Variants in DNAI2 observed in about 807,000 individuals in gnomAD.
DNAI2 encodes dynein, axonemal, intermediate polypeptide 2.
Under a neutral mutation model 74.7 loss-of-function variants are expected in DNAI2, and 63 were observed. The observed-to-expected ratio is 0.84, with a 90% CI of 0.69 to 1.04. The LOEUF is 1.04. Among genes scored for constraint, DNAI2 ranks in the 50% least tolerant of loss-of-function variants. The pLI is 0.00. For missense variants in DNAI2, 688 were observed against 803.2 expected, an observed-to-expected ratio of 0.86 and a Z score of 1.73; for synonymous variants, 289 against 314.9, an observed-to-expected ratio of 0.92 and a Z score of 0.87.
chr17:74,301,213 C>A lies in DNAI2; in HGVS notation c.987+45C>A, dbSNP rs773014105. 3.5e-4 allele frequency: 557 copies of A among 1,610,488 alleles called. 1 individual carries two copies. The highest frequency in any genetic ancestry group is 4.6e-4 in the Non-Finnish European group (536 of 1,177,892). On this transcript the variant is annotated intron_variant, in intron 8 of 13. Coordinates refer to ENST00000311014, the MANE Select transcript of DNAI2 (RefSeq NM_023036.6). ...CCTTCCCCGACTTGCATTGACAGGG[C>A]AGCCAGGGCTAAAGACAGGCCATTG...
At chr17:74,294,714 C>G (rs2052333367) in intron 6 of DNAI2, among the ~76,000 whole-genome samples, 1 of 152,128 alleles carries the variant, frequency 6.6e-6, no homozygotes. Flanking sequence ...TATGATGTTT[C>G]TAGGTATGGA....
chr17:74,298,437 T>C (rs1351653106), intron 6 of DNAI2, among the ~76,000 whole-genome samples: 4 of 152,076 alleles, frequency 2.6e-5, no homozygotes, highest in African/African-American at 9.7e-5. Context: ...CCTGAGAAGC[T>C]GGGATTACAG....
intron 1 of DNAI2, among the ~76,000 whole-genome samples, chr17:74,277,646 G>A (rs551786490): frequency 3.9e-5 from 6 of 152,328 alleles, no homozygotes; most frequent in East Asian, 1.9e-4. Flanking sequence ...AGGGGCCAGC[G>A]GCCAGGACCC....
chr17:74,286,592 C>T (rs1014181827), intron 3 of DNAI2, among the ~76,000 whole-genome samples: 1 of 151,692 alleles, frequency 6.6e-6, no homozygotes, highest in Non-Finnish European at 1.5e-5. Flanking sequence ...AGCTAATTTT[C>T]TTTTGTATTT....
At chr17:74,288,457 G>A (rs1345990843) in intron 4 of DNAI2, among the ~76,000 whole-genome samples, 2 of 152,226 alleles carry the variant, frequency 1.3e-5, no homozygotes, top group Admixed American at 6.5e-5. Context: ...ATATGTGTAT[G>A]TGTGTATATA....
At chr17:74,288,042 AG>A (rs1477119339) in intron 4 of DNAI2, among the ~76,000 whole-genome samples, 1 of 152,180 alleles carries the variant, frequency 6.6e-6, no homozygotes. Flanking sequence ...ACCAAAACAA[AG>A]CCGGTGCAGA....
chr17:74,280,678 CA>C (rs930084627), intron 1 of DNAI2, among the ~76,000 whole-genome samples: 3 of 152,162 alleles, frequency 2.0e-5, no homozygotes, highest in Non-Finnish European at 4.4e-5. Context: ...AGAAGAGGCC[CA>C]GGGGTCTCAA....
intron 5 of DNAI2, among the ~76,000 whole-genome samples, chr17:74,290,719 T>A (rs1445636471): frequency 1.3e-5 from 2 of 152,164 alleles, no homozygotes; most frequent in Non-Finnish European, 2.9e-5. Flanking sequence ...AACTTTAGTA[T>A]CAAAACCTCG....
chr17:74,278,463 T>G (rs905229062), intron 1 of DNAI2, among the ~76,000 whole-genome samples: 1 of 152,074 alleles, frequency 6.6e-6, no homozygotes, highest in Non-Finnish European at 1.5e-5. Context: ...TTGTGATCAC[T>G]CTTTGGGAGT....
At chr17:74,304,186 C>CTTTTTTTTTTTTTTTTTTTTTT (rs56696514) in intron 8 of DNAI2, among the ~76,000 whole-genome samples, 20 of 67,654 alleles carry the variant, frequency 3.0e-4, no homozygotes, top group South Asian at 7.8e-4. Context: ...TTTCTTTTTT[C>CTTTTTTTTTTTTTTTTTTTTTT]TTTTTTTTTT....
intron 6 of DNAI2, among the ~76,000 whole-genome samples, chr17:74,292,516 G>A (rs1473411135): frequency 1.4e-5 from 2 of 147,072 alleles, no homozygotes; most frequent in African/African-American, 2.5e-5. Flanking sequence ...TCCTGGGCCC[G>A]AGCAATTCTT....
intron 4 of DNAI2, among the ~76,000 whole-genome samples, chr17:74,287,315 A>G (rs1260467763): frequency 6.6e-6 from 1 of 152,196 alleles, no homozygotes. Context: ...ACTCCAGAGA[A>G]AGTGAAATTG....
chr17:74,293,021 G>C (rs923251128), intron 6 of DNAI2, among the ~76,000 whole-genome samples: 6 of 151,864 alleles, frequency 4.0e-5, no homozygotes, highest in Non-Finnish European at 8.8e-5. Flanking sequence ...TTTTAGTAGA[G>C]ACGGGGTTTC....
intron 9 of DNAI2, 91 bp downstream of exon 9, chr17:74,305,533 A>G (rs2053138742): frequency 1.1e-5 from 13 of 1,209,866 alleles, no homozygotes; most frequent in Non-Finnish European, 1.4e-5. Context: ...CCGAGCCTCC[A>G]TATGTAAAAT....
At position 74,309,499 on chromosome 17, in the gene DNAI2, T is replaced by C. The variant is rs1341051203; in HGVS notation, c.1347+111T>C. The C allele has an allele frequency of 2.0e-6, 3 of 1,491,384 alleles. No individual in the cohort carries two copies. In the East Asian group the frequency reaches 6.8e-5, roughly 34 times the overall value. 92.4% of individuals were successfully genotyped at this position (1,491,384 alleles called of 1,614,324 possible). A position where few individuals can be genotyped will look rare whatever the true frequency, so the allele number is the denominator to read the frequency against. The stretch of plus-strand genomic sequence containing the variant: ...GTGTGCAGTGTGTGGCCAGGTGTGT[T>C]TGGGCCTCTGTGGGGGAGCCGTGTG... On this transcript the variant is annotated intron_variant, in intron 10 of 13. Transcript: ENST00000311014.
rs183770866 is a variant in DNAI2 at position 74,291,384 on chromosome 17, G to A, written c.724+251G>A. ...TCACCATGTTGGCCAGGCTGGTCTC[G>A]CACTCCTGACCTCAGGTGATTCACC... On this transcript the variant is annotated intron_variant, in intron 6 of 13. Coordinates refer to ENST00000311014, the MANE Select transcript of DNAI2 (RefSeq NM_023036.6). 4.4e-3 allele frequency among the ~76,000 whole-genome samples: 674 copies of A among 152,124 alleles called. 4 individuals carry two copies. Among genetic ancestry groups the A allele is most frequent in the African/African-American group, 0.015 (617 of 41,488 alleles).
chr17:74,286,854 C>T lies in DNAI2; in HGVS notation c.346-123C>T, dbSNP rs182990635. ...ATTGAAAATTCCTCCATTGAAAGCA[C>T]ATGGTTAGGTGGATGGGAAAAGCCC... On this transcript the variant is annotated intron_variant, in intron 3 of 13. Transcript: ENST00000311014. The T allele has an allele frequency of 3.0e-3, 3,888 of 1,287,484 alleles. 38 individuals carry two copies. The highest frequency in any genetic ancestry group is 0.014 in the South Asian group (1,150 of 82,818). The allele number at this position is 1,287,484 out of a possible 1,614,324, so 79.8% of individuals were successfully genotyped here.
Position 74,281,903 on chromosome 17 carries a change from T to C in DNAI2, c.86T>C (p.Ile29Thr). ...NFSDRQAELN[I>T]DIMPNPELAE... The stretch of plus-strand genomic sequence containing the variant: ...TCGGACCGCCAGGCCGAGCTGAACA[T>C]CGACATCATGCCCAACCCTGAGCTG... The change falls in exon 2 of 14, where the codon ATC (isoleucine) becomes ACC (threonine). Residue 29 changes from isoleucine (I) to threonine (T), a missense_variant. Coordinates refer to ENST00000311014, the MANE Select transcript of DNAI2 (RefSeq NM_023036.6). 1 of 1,614,074 alleles carries C rather than the reference T, an allele frequency of 6.2e-7. No homozygotes were observed. The highest frequency in any genetic ancestry group is 1.1e-5 in the South Asian group (1 of 91,076).
At chr17:74,312,638 A>T (rs2053604228) in intron 12 of DNAI2, among the ~76,000 whole-genome samples, 1 of 152,210 alleles carries the variant, frequency 6.6e-6, no homozygotes. Flanking sequence ...AGCGGTGTGC[A>T]CGTCATGCTG....
Sources: allele counts gnomAD v4.1 joint callset (sites outside exome capture counted in the v4.1 genomes callset), GRCh38; gene constraint gnomAD v4.1.1; transcripts MANE v1.5; gene names NCBI Gene and HGNC (gene_info 2026-07-23, HGNC 2026-07-21).